The following DOCK2 variants were observed in gnomAD, a reference collection of about 807,000 sequenced individuals.
The protein encoded by DOCK2 is dedicator of cytokinesis 2, also known as dedicator of cytokinesis protein 2.
A neutral mutation model predicts 248.9 loss-of-function variants in DOCK2; 87 were observed. The ratio of observed to expected loss-of-function variants is 0.35; its 90% CI spans 0.29 to 0.42. The LOEUF (loss-of-function observed/expected upper bound fraction) is 0.42. Ranked by LOEUF, DOCK2 falls within the 10% of genes least tolerant of loss-of-function variation. The probability of loss-of-function intolerance (pLI) is 1.00; values close to 1 mark genes in which losing one functional copy is unlikely to be tolerated. For synonymous variants in DOCK2, 805 were observed against 821.6 expected (o/e 0.98, Z 0.35); for missense variants, 1,747 against 2,300.2 (o/e 0.76, Z 4.92).
At chr5:170,053,792 T>C (rs1170786990) in intron 41 of DOCK2, among the ~76,000 whole-genome samples, 1 of 152,204 alleles carries the variant, frequency 6.6e-6, no homozygotes, top group African/African-American at 2.4e-5. Flanking sequence ...CTTCTTAGCA[T>C]AGAGTAAGTT....
intron 25 of DOCK2, among the ~76,000 whole-genome samples, 200 bp from the exon 26 acceptor site, chr5:169,802,858 G>A (rs1767084020): frequency 6.6e-6 from 1 of 152,162 alleles, no homozygotes; most frequent in Non-Finnish European, 1.5e-5. Flanking sequence ...GGTTGCCTCT[G>A]GGTAGGAAGG....
At chr5:169,948,316 C>T (rs1776525115) in intron 27 of DOCK2, among the ~76,000 whole-genome samples, 1 of 152,114 alleles carries the variant, frequency 6.6e-6, no homozygotes. Context: ...TAAACAAATA[C>T]ACATAAGTGT....
chr5:170,024,130 G>A (rs1271028543), intron 33 of DOCK2, among the ~76,000 whole-genome samples: 2 of 152,170 alleles, frequency 1.3e-5, no homozygotes, highest in Non-Finnish European at 2.9e-5. Flanking sequence ...GGCCTCTGTA[G>A]AATCTGACTT....
chr5:170,037,666 A>C (rs2113840155), intron 36 of DOCK2, among the ~76,000 whole-genome samples: 1 of 152,102 alleles, frequency 6.6e-6, no homozygotes, highest in South Asian at 2.1e-4. Context: ...TTGTATTTTT[A>C]GTAGAGACGG....
At chr5:169,822,831 G>T (rs914915022) in intron 26 of DOCK2, among the ~76,000 whole-genome samples, 7 of 152,118 alleles carry the variant, frequency 4.6e-5, no homozygotes, top group Non-Finnish European at 1.0e-4. Context: ...GAATCCAGGA[G>T]CTGGTTTTTT....
At position 170,067,657 on chromosome 5, in the gene DOCK2, G is replaced by C. The variant is rs1757540461; in HGVS notation, c.4615G>C (p.Val1539Leu). The C allele has an allele frequency of 6.2e-7, 1 of 1,614,008 alleles. No homozygotes were observed. Among genetic ancestry groups the C allele is most frequent in the Admixed American group, 1.7e-5 (1 of 59,976 alleles). The change falls in exon 45 of 52, where the codon GTC (valine) becomes CTC (leucine). Residue 1539 changes from valine (V) to leucine (L), a missense_variant. Physicochemically the swap from Val to Leu is conservative, Grantham distance 32. Coordinates refer to ENST00000520908, the MANE Select transcript of DOCK2 (RefSeq NM_004946.3). ...CCTGAACGGGATTGTGGACCCTGCT[G>C]TCATGGGAGGCTTCGCCAAGTATGA... is the stretch of plus-strand genomic sequence containing the variant. ...MLLNGIVDPAVMGGFAKYEKA... is the reference protein window; with the variant it reads ...MLLNGIVDPALMGGFAKYEKA...
intron 25 of DOCK2, among the ~76,000 whole-genome samples, chr5:169,788,671 C>T (rs1338461163): frequency 6.6e-6 from 1 of 152,138 alleles, no homozygotes; most frequent in Non-Finnish European, 1.5e-5. Context: ...GGGATGTCAT[C>T]TTTCTTCTTT....
chr5:169,799,365 G>A (rs913375616), intron 25 of DOCK2, among the ~76,000 whole-genome samples: 4 of 152,056 alleles, frequency 2.6e-5, no homozygotes, highest in African/African-American at 9.7e-5. Flanking sequence ...GGCATAATTG[G>A]GAAGCTAAGT....
chr5:169,816,228 A>G (rs1263203744), intron 26 of DOCK2, among the ~76,000 whole-genome samples: 1 of 152,178 alleles, frequency 6.6e-6, no homozygotes, highest in African/African-American at 2.4e-5. Context: ...GATGCATTTG[A>G]TCAGCAGCTG....
chr5:169,688,244 A>G (rs936996328), intron 8 of DOCK2, among the ~76,000 whole-genome samples: 11 of 152,178 alleles, frequency 7.2e-5, no homozygotes, highest in Non-Finnish European at 1.5e-4. Flanking sequence ...TCTGTTTCCT[A>G]GATGCATCCA....
chr5:169,810,135 G>A (rs988580886), intron 26 of DOCK2, among the ~76,000 whole-genome samples: 2 of 152,072 alleles, frequency 1.3e-5, no homozygotes, highest in East Asian at 3.9e-4. Flanking sequence ...AATATGTCTC[G>A]CTCCAATTAA....
At chr5:170,008,414 C>A in intron 30 of DOCK2, 83 bp from the exon 31 acceptor site, 1 of 1,425,414 alleles carries the variant, frequency 7.0e-7, no homozygotes, top group Non-Finnish European at 9.8e-7. Flanking sequence ...CTGCCATCTT[C>A]ATAAATTATT....
chr5:169,835,056 G>A (rs1464687693), intron 26 of DOCK2, among the ~76,000 whole-genome samples: 2 of 151,928 alleles, frequency 1.3e-5, no homozygotes, highest in Non-Finnish European at 2.9e-5. Context: ...TTGGTGGGGG[G>A]GTGGCATGAA....
intron 2 of DOCK2, among the ~76,000 whole-genome samples, chr5:169,658,222 T>A (rs1266106855): frequency 6.6e-6 from 1 of 152,114 alleles, no homozygotes; most frequent in Non-Finnish European, 1.5e-5. Context: ...AAATTTTTAT[T>A]TATATCCCAG....
chr5:169,870,626 A>C (rs1447199229), intron 27 of DOCK2, among the ~76,000 whole-genome samples: 1 of 151,286 alleles, frequency 6.6e-6, no homozygotes, highest in Non-Finnish European at 1.5e-5. Context: ...ATTATACTTT[A>C]AGTTTTAGGG....
At chr5:169,643,280 G>A (rs1383359561) in intron 1 of DOCK2, among the ~76,000 whole-genome samples, 2 of 152,164 alleles carry the variant, frequency 1.3e-5, no homozygotes, top group Non-Finnish European at 2.9e-5. Flanking sequence ...ACTGAGGCTG[G>A]AGAAAGTATG....
At chr5:169,809,842 C>T (rs1322830500) in intron 26 of DOCK2, among the ~76,000 whole-genome samples, 2 of 152,258 alleles carry the variant, frequency 1.3e-5, no homozygotes, top group African/African-American at 4.8e-5. Context: ...TGCATCACCT[C>T]TGCTCTTAGC....
intron 46 of DOCK2, among the ~76,000 whole-genome samples, chr5:170,071,592 A>G (rs1342363815): frequency 1.3e-5 from 2 of 152,224 alleles, no homozygotes; most frequent in African/African-American, 4.8e-5. Context: ...GTTGTGAAAT[A>G]TTATGTACAG....
intron 9 of DOCK2, among the ~76,000 whole-genome samples, chr5:169,689,774 C>A (rs1473388279): frequency 3.3e-5 from 5 of 152,168 alleles, no homozygotes; most frequent in Non-Finnish European, 7.3e-5. Flanking sequence ...TATTGACTGC[C>A]TTGGTAAATT....
Sources: allele counts gnomAD v4.1 joint callset (sites outside exome capture counted in the v4.1 genomes callset), GRCh38; gene constraint gnomAD v4.1.1; transcripts MANE v1.5; gene names NCBI Gene and HGNC (gene_info 2026-07-23, HGNC 2026-07-21).